The following ACACA variants were observed in gnomAD, a reference collection of about 807,000 sequenced individuals.
ACACA encodes the protein acetyl-CoA carboxylase 1.
ACACA carries 103 observed loss-of-function variants against 296.1 expected under a neutral mutation model. That is an observed-to-expected ratio of 0.35 (90% confidence interval 0.30 to 0.41). ACACA has a LOEUF of 0.41. ACACA is among the 10% of genes least tolerant of loss of function. The pLI is 1.00. For synonymous variants in ACACA, 953 were observed against 1,038.6 expected, an observed-to-expected ratio of 0.92 and a Z score of 1.58; for missense variants, 1,554 against 2,989.7, an observed-to-expected ratio of 0.52 and a Z score of 11.20.
chr17:37,304,513 G>A (rs554918405), intron 3 of ACACA, among the ~76,000 whole-genome samples: 1 of 152,220 alleles, frequency 6.6e-6, no homozygotes, highest in African/African-American at 2.4e-5. Context: ...GTATTTAAGG[G>A]GCCAGGCGCG....
intron 20 of ACACA, 79 bp from the exon 21 acceptor site, chr17:37,244,813 T>C: frequency 1.9e-6 from 3 of 1,585,196 alleles, no homozygotes; most frequent in Non-Finnish European, 2.6e-6. Flanking sequence ...TTAAGAGTTA[T>C]CATTCAAAAT....
intron 25 of ACACA, among the ~76,000 whole-genome samples, chr17:37,232,459 A>G (rs1353906501): frequency 6.6e-6 from 1 of 152,206 alleles, no homozygotes; most frequent in African/African-American, 2.4e-5. Context: ...AATGGCTCTT[A>G]CCAGCTACTA....
At position 37,168,684 on chromosome 17, in the gene ACACA, T is replaced by A. The variant is rs2076774852; in HGVS notation, c.5080-6634A>T. 2.0e-5 allele frequency among the ~76,000 whole-genome samples: 3 copies of A among 152,290 alleles called. No individual in the cohort carries two copies. In the South Asian group the frequency reaches 6.2e-4, roughly 32 times the overall value. The stretch of plus-strand genomic sequence containing the variant: ...GAAAATTAAAAATCAAGACTCACTT[T>A]AAAGAGAAAGAAATATCAAGAACTA... On this transcript the variant is annotated intron_variant, in intron 41 of 55. Transcript: ENST00000616317.
At chr17:37,129,523 A>G (rs763029904) in intron 46 of ACACA, 38 bp from the exon 47 acceptor site, 1 of 1,613,036 alleles carries the variant, frequency 6.2e-7, no homozygotes, top group Non-Finnish European at 8.5e-7. Flanking sequence ...CAATCAGTGA[A>G]CGACAGCCCT....
chr17:37,143,671 A>G, intron 45 of ACACA: 1 of 890,484 alleles, frequency 1.1e-6, no homozygotes, highest in Non-Finnish European at 1.8e-6. Context: ...AATCTGTGCT[A>G]GAACCAACTT....
At chr17:37,157,005 C>T (rs1027249221) in intron 42 of ACACA, among the ~76,000 whole-genome samples, 10 of 152,178 alleles carry the variant, frequency 6.6e-5, no homozygotes, top group African/African-American at 2.2e-4. Flanking sequence ...CAGGAATTAA[C>T]AAAAATAGAC....
intron 3 of ACACA, among the ~76,000 whole-genome samples, chr17:37,288,765 G>A (rs2082906041): frequency 6.6e-6 from 1 of 152,064 alleles, no homozygotes; most frequent in African/African-American, 2.4e-5. Context: ...CGGCCTTGGT[G>A]GCACACGCCT....
chr17:37,371,097 G>A (rs1158374884), intron 1 of ACACA, among the ~76,000 whole-genome samples: 1 of 151,792 alleles, frequency 6.6e-6, no homozygotes, highest in East Asian at 1.9e-4. Context: ...GTTTGTTTTT[G>A]AGATGGAATT....
intron 1 of ACACA, among the ~76,000 whole-genome samples, chr17:37,362,648 G>C (rs1032350688): frequency 1.3e-5 from 2 of 152,174 alleles, no homozygotes; most frequent in African/African-American, 4.8e-5. Flanking sequence ...GTTTCTCAAA[G>C]CATGTCCCAC....
intron 1 of ACACA, chr17:37,388,680 G>A (rs2050657851): frequency 6.2e-7 from 1 of 1,612,028 alleles, no homozygotes; most frequent in South Asian, 1.1e-5. Flanking sequence ...ACACAGATGA[G>A]AACCTAGAGA....
At chr17:37,235,961 T>C (rs2080092702) in intron 24 of ACACA, among the ~76,000 whole-genome samples, 1 of 152,194 alleles carries the variant, frequency 6.6e-6, no homozygotes, top group African/African-American at 2.4e-5. Flanking sequence ...ATTCAGTTCT[T>C]TAGAAAACAG....
intron 5 of ACACA, among the ~76,000 whole-genome samples, chr17:37,280,363 T>TA (rs2082456698): frequency 1.3e-5 from 2 of 152,060 alleles, no homozygotes; most frequent in African/African-American, 4.8e-5. Flanking sequence ...CATGCGCCTC[T>TA]ATGCCCAGCT....
At position 37,223,581 on chromosome 17, in the gene ACACA, T is replaced by C. The variant is rs2079394459; in HGVS notation, c.3495A>G (p.Thr1165=). The change falls in exon 28 of 56, where the codon ACA becomes ACG. Residue 1165 remains threonine, a synonymous_variant. Coordinates refer to ENST00000616317, the MANE Select transcript of ACACA (RefSeq NM_198834.3). ...AGTTTGGTAGGACATCAAAAATAGA[T>C]GTTTCTGATAGGATGAGTTTCTAGA... ...ENLQKLILSE[T]SIFDVLPNFF... The C allele has an allele frequency of 1.2e-6, 2 of 1,610,314 alleles. No individual in the cohort carries two copies. The highest frequency in any genetic ancestry group is 1.7e-6 in the Non-Finnish European group (2 of 1,176,556).
At chr17:37,229,183 G>A (rs892821773) in intron 25 of ACACA, among the ~76,000 whole-genome samples, 1 of 151,260 alleles carries the variant, frequency 6.6e-6, no homozygotes, top group African/African-American at 2.4e-5. Context: ...TCCGCAACCT[G>A]TATCAGATTT....
intron 45 of ACACA, chr17:37,144,490 G>A: frequency 4.2e-6 from 1 of 240,260 alleles, no homozygotes; most frequent in Non-Finnish European, 8.2e-6. Context: ...ACAGAGTCAT[G>A]GGTGGGTGAG....
intron 45 of ACACA, among the ~76,000 whole-genome samples, chr17:37,139,028 G>T (rs2075446635): frequency 6.6e-6 from 1 of 152,140 alleles, no homozygotes; most frequent in Non-Finnish European, 1.5e-5. Context: ...TCAGGCTGGG[G>T]TTGGGGGAGA....
At chr17:37,319,291 T>C (rs1430585995) in intron 3 of ACACA, among the ~76,000 whole-genome samples, 12 of 151,978 alleles carry the variant, frequency 7.9e-5, no homozygotes, top group Admixed American at 1.3e-4. Flanking sequence ...TAAATTAGAT[T>C]AAAATTTATT....
At chr17:37,388,825 C>T (rs1328435663) in intron 1 of ACACA, 2 of 1,610,312 alleles carry the variant, frequency 1.2e-6, no homozygotes, top group East Asian at 4.5e-5. Context: ...AATCCTTGAA[C>T]TTGACCCATA....
chr17:37,377,840 C>A, intron 1 of ACACA: 3 of 1,539,636 alleles, frequency 1.9e-6, no homozygotes, highest in Non-Finnish European at 2.7e-6. Flanking sequence ...TTCCCCAAAC[C>A]TTCCCCGGTT....
Sources: allele counts gnomAD v4.1 joint callset (sites outside exome capture counted in the v4.1 genomes callset), GRCh38; gene constraint gnomAD v4.1.1; transcripts MANE v1.5; gene names NCBI Gene and HGNC (gene_info 2026-07-23, HGNC 2026-07-21).